Variants in ARHGEF9 observed in about 807,000 individuals in gnomAD.
The protein encoded by ARHGEF9 is Cdc42 guanine nucleotide exchange factor 9, also known as rho guanine nucleotide exchange factor 9.
Under a neutral mutation model 41.3 loss-of-function variants are expected in ARHGEF9, and 2 were observed. The ratio of observed to expected loss-of-function variants is 0.05; its 90% CI spans 0.02 to 0.15. The LOEUF (loss-of-function observed/expected upper bound fraction) is 0.15. Among genes scored for constraint, ARHGEF9 ranks in the 10% least tolerant of loss-of-function variants. The pLI is 1.00. For synonymous variants in ARHGEF9, 160 were observed against 154.4 expected (o/e 1.04, Z -0.27); for missense variants, 225 against 424.7 (o/e 0.53, Z 4.13).
chrX:63,637,862 G>C lies in ARHGEF9; in HGVS notation c.*166C>G, dbSNP rs2047384908. The stretch of plus-strand genomic sequence containing the variant: ...CTTATCTCTCTGTGTGTGTGTGTGT[G>C]TGTGTGTGTGTGTGTGTGTCTGTGT... On this transcript the variant is annotated 3_prime_UTR_variant, in exon 10 of 10. Coordinates refer to ENST00000671741, the MANE Select transcript of ARHGEF9 (RefSeq NM_001353921.2). The C allele has an allele frequency of 4.9e-6, 2 of 406,451 alleles. No individual in the cohort carries two copies. Among genetic ancestry groups the C allele is most frequent in the East Asian group, 4.0e-5 (1 of 25,226 alleles). 33.5% of individuals were successfully genotyped at this position (406,451 alleles called of 1,213,427 possible).
At chrX:63,723,229 C>A (rs2053744710) in intron 2 of ARHGEF9, among the ~76,000 whole-genome samples, 1 of 111,272 alleles carries the variant, frequency 9.0e-6, no homozygotes, top group Non-Finnish European at 1.9e-5. Flanking sequence ...TGATCTAATT[C>A]CTTATAAAAA....
chrX:63,681,390 A>G (rs1202685799), intron 4 of ARHGEF9, among the ~76,000 whole-genome samples: 3 of 112,410 alleles, frequency 2.7e-5, no homozygotes, highest in Non-Finnish European at 5.6e-5. Flanking sequence ...GATCAACATC[A>G]TATCAAGTAT....
chrX:63,678,260 C>A, intron 5 of ARHGEF9, 80 bp downstream of exon 5: 1 of 878,135 alleles, frequency 1.1e-6, no homozygotes, highest in Non-Finnish European at 1.6e-6. Context: ...TCAGAAAGGG[C>A]AAAAGGACAT....
At position 63,706,414 on chromosome X, in the gene ARHGEF9, C is replaced by G; in HGVS notation, c.246G>C (p.Gly82=). ...GGTGTCCGTTCTGCACATCGCTGGG[C>G]CCCTCCTCCACCTCATCCTCCTGGT... ...WVNQEDEVEE[G]PSDVQNGHLD... is the part of the protein sequence containing the mutation. The change falls in exon 3 of 10, where the codon GGG becomes GGC. Residue 82 remains glycine (G), a synonymous_variant. Coordinates refer to ENST00000671741, the MANE Select transcript of ARHGEF9 (RefSeq NM_001353921.2). 8.3e-7 allele frequency: 1 copy of G among 1,207,432 alleles called. No individual in the cohort carries two copies. Among genetic ancestry groups the G allele is most frequent in the Non-Finnish European group, 1.1e-6 (1 of 893,769 alleles).
chrX:63,762,068 C>T lies in ARHGEF9; in HGVS notation c.30+23048G>A, dbSNP rs148369136. ...ACTGTGGTGGGGAGTGAACATTTCT[C>T]TCAGTATCAGAACCCAGTGTTTAGT... On this transcript the variant is annotated intron_variant, in intron 1 of 9. Coordinates refer to ENST00000671741, the MANE Select transcript of ARHGEF9 (RefSeq NM_001353921.2). Among the ~76,000 whole-genome samples the T allele has an allele frequency of 6.4e-3, 715 of 111,797 alleles. 7 individuals carry two copies. Among genetic ancestry groups the T allele is most frequent in the African/African-American group, 0.022 (681 of 30,797 alleles).
chrX:63,648,789 G>C (rs1384103632), intron 8 of ARHGEF9, among the ~76,000 whole-genome samples: 2 of 111,159 alleles, frequency 1.8e-5, no homozygotes, highest in African/African-American at 3.3e-5. Context: ...AAAAAAGGCA[G>C]GGGTTGCAAT....
chrX:63,748,329 T>C (rs782078130), intron 1 of ARHGEF9, among the ~76,000 whole-genome samples: 1 of 112,205 alleles, frequency 8.9e-6, no homozygotes, highest in South Asian at 3.8e-4. Flanking sequence ...AAGAGGCTGC[T>C]AACCTGTTGT....
intron 1 of ARHGEF9, among the ~76,000 whole-genome samples, chrX:63,770,359 T>C (rs1408382448): frequency 4.4e-5 from 5 of 112,552 alleles, no homozygotes; most frequent in African/African-American, 1.6e-4. Context: ...CCCCTTTGTT[T>C]TGGCCAATTT....
intron 1 of ARHGEF9, among the ~76,000 whole-genome samples, chrX:63,745,872 C>T (rs185613669): frequency 1.2e-4 from 14 of 112,065 alleles, no homozygotes; most frequent in Admixed American, 9.4e-4. Context: ...AATCTGCATA[C>T]GCAAGATGGT....
chrX:63,650,403 T>C (rs1328185595), intron 8 of ARHGEF9, among the ~76,000 whole-genome samples: 3 of 111,514 alleles, frequency 2.7e-5, no homozygotes, highest in African/African-American at 9.7e-5. Flanking sequence ...GAGGATATTA[T>C]GTTAAGTGAA....
At chrX:63,663,069 A>G (rs1216634497) in intron 7 of ARHGEF9, among the ~76,000 whole-genome samples, 1 of 111,860 alleles carries the variant, frequency 8.9e-6, no homozygotes, top group Non-Finnish European at 1.9e-5. Flanking sequence ...GAGGGGCTCA[A>G]TATCTATAGC....
intron 1 of ARHGEF9, chrX:63,754,956 C>T: frequency 1.1e-6 from 1 of 939,042 alleles, no homozygotes; most frequent in Non-Finnish European, 1.3e-6. Context: ...TCAGTCTGTC[C>T]GGGCGTGCGT....
chrX:63,659,308 T>C (rs782082945), intron 7 of ARHGEF9, among the ~76,000 whole-genome samples: 2 of 112,320 alleles, frequency 1.8e-5, no homozygotes, highest in South Asian at 7.5e-4. Context: ...CACTTGTTAA[T>C]GGTAGTCTGA....
In ARHGEF9 at chrX:63,644,063, T is replaced by C. The variant is rs1429269848; in HGVS notation, c.1322-15A>G. ...AATTTCAAAGCCTAAAAAAGAAAAA[T>C]ATATGATTTTTTAAATGAGAAACAC... is the stretch of plus-strand genomic sequence containing the variant. On this transcript the variant is annotated splice_polypyrimidine_tract_variant and intron_variant, in intron 8 of 9. Transcript: ENST00000671741. 5.9e-6 allele frequency: 7 copies of C among 1,180,147 alleles called. No individual in the cohort carries two copies. In the African/African-American group the frequency reaches 1.1e-4, roughly 18 times the overall value.
At chrX:63,735,836 C>T (rs868959682) in intron 1 of ARHGEF9, among the ~76,000 whole-genome samples, 1 of 111,913 alleles carries the variant, frequency 8.9e-6, no homozygotes, top group African/African-American at 3.2e-5. Context: ...CCAGAGAGGA[C>T]ATCTGCATTT....
At chrX:63,719,532 C>A (rs2053519107) in intron 2 of ARHGEF9, 1 of 287,042 alleles carries the variant, frequency 3.5e-6, no homozygotes, top group East Asian at 4.9e-5. Context: ...CTTAAACTGG[C>A]AATGAATGAC....
intron 1 of ARHGEF9, among the ~76,000 whole-genome samples, chrX:63,775,973 A>G (rs142634065): frequency 3.9e-3 from 435 of 111,360 alleles, no homozygotes; most frequent in Non-Finnish European, 6.5e-3. Context: ...ACATTCCTAA[A>G]GCATTTAGTC....
At chrX:63,769,962 C>T (rs1335539715) in intron 1 of ARHGEF9, among the ~76,000 whole-genome samples, 1 of 112,223 alleles carries the variant, frequency 8.9e-6, no homozygotes, top group Non-Finnish European at 1.9e-5. Flanking sequence ...CACTGAGTCC[C>T]TACTGGGCAC....
intron 1 of ARHGEF9, among the ~76,000 whole-genome samples, chrX:63,753,704 T>C (rs782682928): frequency 3.6e-5 from 4 of 111,483 alleles, no homozygotes; most frequent in East Asian, 5.6e-4. Flanking sequence ...TCCAAGGAAA[T>C]TGACATTTTA....
Sources: allele counts gnomAD v4.1 joint callset (sites outside exome capture counted in the v4.1 genomes callset), GRCh38; gene constraint gnomAD v4.1.1; transcripts MANE v1.5; gene names NCBI Gene and HGNC (gene_info 2026-07-23, HGNC 2026-07-21).